Variants in FAM184A observed in about 807,000 individuals in gnomAD.
FAM184A encodes family with sequence similarity 184 member A.
A neutral mutation model predicts 143.8 loss-of-function variants in FAM184A; 99 were observed. The ratio of observed to expected loss-of-function variants is 0.69; its 90% CI spans 0.58 to 0.81. The LOEUF (loss-of-function observed/expected upper bound fraction) is 0.81. Among genes scored for constraint, FAM184A ranks in the 40% least tolerant of loss-of-function variants. The pLI, the probability that FAM184A is intolerant of heterozygous loss-of-function variation, is 0.00. For synonymous variants in FAM184A, 427 were observed against 446.4 expected (o/e 0.96, Z 0.55); for missense variants, 1,217 against 1,310.5 (o/e 0.93, Z 1.10).
chr6:119,091,596 A>G (rs1016954954), intron 1 of FAM184A, among the ~76,000 whole-genome samples: 1 of 152,216 alleles, frequency 6.6e-6, no homozygotes, highest in Non-Finnish European at 1.5e-5. Context: ...ACAGGTAACA[A>G]CGTTAGTAAA....
intron 11 of FAM184A, among the ~76,000 whole-genome samples, chr6:118,978,460 T>A (rs1317157336): frequency 1.3e-5 from 2 of 152,252 alleles, no homozygotes; most frequent in Non-Finnish European, 2.9e-5. Context: ...GTTCATTTTT[T>A]AATTCTCCTT....
chr6:119,145,413 T>C (rs1397141341), intron 1 of FAM184A, among the ~76,000 whole-genome samples: 6 of 152,018 alleles, frequency 3.9e-5, no homozygotes, highest in Non-Finnish European at 7.4e-5. Flanking sequence ...CTTCAATCAC[T>C]CCTTTGGGTA....
rs1783343704 is a variant in FAM184A at position 118,962,005 on chromosome 6, G to C, written c.3139-42C>G. On this transcript the variant is annotated intron_variant, in intron 16 of 17. Coordinates refer to ENST00000338891, the MANE Select transcript of FAM184A (RefSeq NM_024581.6). ...ACATGTGAGGATAGTCCCTGCATGA[G>C]GACAAATGAGAAAATAGGAATGGTA... 1.9e-6 allele frequency: 3 copies of C among 1,572,836 alleles called. No homozygotes were observed. In the African/African-American group the frequency reaches 4.0e-5, roughly 21 times the overall value.
intron 1 of FAM184A, among the ~76,000 whole-genome samples, chr6:119,118,414 C>T (rs1364913279): frequency 1.3e-5 from 2 of 152,124 alleles, no homozygotes; most frequent in African/African-American, 2.4e-5. Flanking sequence ...GAAATGATCT[C>T]AACAGAGTTT....
In FAM184A at chr6:118,974,292, T is replaced by A. The variant is rs1258538275; in HGVS notation, c.2915+136A>T. ...AGAACATATAGCACTGCAATTACCA[T>A]CTGTAACACAGCACTAAAATTTTCT... On this transcript the variant is annotated intron_variant, in intron 14 of 17. Transcript: ENST00000338891. 39 of 686,432 alleles carry A rather than the reference T, an allele frequency of 5.7e-5. No individual in the cohort carries two copies. In the East Asian group the frequency reaches 1.0e-3, roughly 18 times the overall value. 42.5% of individuals were successfully genotyped at this position (686,432 alleles called of 1,614,324 possible). A position where few individuals can be genotyped will look rare whatever the true frequency, so the allele number is the denominator to read the frequency against.
intron 9 of FAM184A, among the ~76,000 whole-genome samples, chr6:118,996,933 C>T (rs371004432): frequency 1.0e-4 from 15 of 150,370 alleles, no homozygotes; most frequent in East Asian, 7.9e-4. Context: ...CTATGTTGGC[C>T]GGGCTGGTCT....
intron 1 of FAM184A, among the ~76,000 whole-genome samples, chr6:119,094,418 G>A (rs1278153296): frequency 3.3e-5 from 5 of 151,992 alleles, no homozygotes; most frequent in Non-Finnish European, 7.3e-5. Flanking sequence ...AATTACCATT[G>A]CCCCCTTTCA....
chr6:119,012,141 G>A (rs186454493), intron 5 of FAM184A, among the ~76,000 whole-genome samples: 157 of 152,300 alleles, frequency 1.0e-3, no homozygotes, highest in Non-Finnish European at 1.6e-3. Flanking sequence ...TGATGGAGCA[G>A]GAGGGGAACA....
chr6:119,115,976 C>T (rs921735385), intron 1 of FAM184A, among the ~76,000 whole-genome samples: 1 of 134,032 alleles, frequency 7.5e-6, no homozygotes, highest in African/African-American at 2.9e-5. Context: ...CTCAAACACA[C>T]ACACACACAC....
intron 5 of FAM184A, among the ~76,000 whole-genome samples, chr6:119,013,245 G>T (rs1370906209): frequency 1.3e-5 from 2 of 152,114 alleles, no homozygotes; most frequent in East Asian, 1.9e-4. Flanking sequence ...CTTAAGGCAG[G>T]TGCTAGAAAA....
intron 1 of FAM184A, chr6:119,025,693 T>C: frequency 4.0e-6 from 2 of 495,448 alleles, no homozygotes; most frequent in Middle Eastern, 3.3e-4. Flanking sequence ...CGGTGAAATT[T>C]TCATGACTGT....
At chr6:119,101,393 TATCTCATTTA>T (rs1329378301) in intron 1 of FAM184A, among the ~76,000 whole-genome samples, 1 of 152,066 alleles carries the variant, frequency 6.6e-6, no homozygotes, top group Non-Finnish European at 1.5e-5. Context: ...TCATATCAAT[TATCTCATTTA>T]ATCTCAAAAC....
At chr6:118,991,755 T>G (rs1206497571) in intron 9 of FAM184A, among the ~76,000 whole-genome samples, 1 of 110,096 alleles carries the variant, frequency 9.1e-6, no homozygotes, top group Admixed American at 9.5e-5. Context: ...AGAGGACTTT[T>G]TTTTTTTTTT....
intron 1 of FAM184A, among the ~76,000 whole-genome samples, chr6:119,059,996 T>C (rs1159246584): frequency 1.3e-5 from 2 of 152,356 alleles, no homozygotes; most frequent in African/African-American, 4.8e-5. Context: ...TAGGTATAAA[T>C]TGGTCACTAA....
At chr6:119,032,524 A>AAGAGGGAGAGGGAGAGGG (rs577027130) in intron 1 of FAM184A, among the ~76,000 whole-genome samples, 1 of 138,448 alleles carries the variant, frequency 7.2e-6, no homozygotes, top group Admixed American at 7.2e-5. Context: ...GAGGAAGAGG[A>AAGAGGGAGAGGGAGAGGG]AGAGGGAGAG....
intron 16 of FAM184A, chr6:118,962,841 G>A: frequency 6.6e-6 from 1 of 151,976 alleles, no homozygotes; most frequent in South Asian, 2.1e-4. Flanking sequence ...AAATTAACAT[G>A]TTACTAGATA....
At chr6:119,105,216 G>A (rs1049283589) in intron 1 of FAM184A, among the ~76,000 whole-genome samples, 4 of 152,194 alleles carry the variant, frequency 2.6e-5, no homozygotes, top group Non-Finnish European at 2.9e-5. Flanking sequence ...GAATCTGGGT[G>A]TGGAATATAT....
At chr6:119,143,799 T>C (rs887147489) in intron 1 of FAM184A, among the ~76,000 whole-genome samples, 13 of 152,216 alleles carry the variant, frequency 8.5e-5, no homozygotes, top group African/African-American at 2.4e-4. Context: ...TTAATGGGTT[T>C]AGAGTTTCAG....
chr6:118,982,412 C>T (rs927979103), intron 9 of FAM184A, among the ~76,000 whole-genome samples: 4 of 152,114 alleles, frequency 2.6e-5, no homozygotes, highest in East Asian at 1.9e-4. Flanking sequence ...GAAATGTATA[C>T]GGGAAAGCTG....
Sources: gnomAD v4.1 joint callset for allele counts (sites outside exome capture counted in the v4.1 genomes callset) on GRCh38, gnomAD v4.1.1 for gene constraint, MANE v1.5 for transcripts, NCBI Gene and HGNC (gene_info 2026-07-23, HGNC 2026-07-21) for gene names.